PTPRD: variants seen among roughly 807,000 people sequenced by gnomAD.
The protein encoded by PTPRD is protein tyrosine phosphatase receptor type D.
A neutral mutation model predicts 214.5 loss-of-function variants in PTPRD; 34 were observed. The observed-to-expected ratio is 0.16, with a 90% CI of 0.12 to 0.21. The LOEUF (loss-of-function observed/expected upper bound fraction) is 0.21, where lower values mean the gene tolerates loss of function less well. PTPRD is among the 10% of genes least tolerant of loss of function. The pLI, the probability that PTPRD is intolerant of heterozygous loss-of-function variation, is 1.00. For missense variants in PTPRD, 2,545 were observed against 2,398.7 expected (o/e 1.06, Z -1.27); for synonymous variants, 1,128 against 845.7 (o/e 1.33, Z -5.79).
intron 44 of PTPRD, among the ~76,000 whole-genome samples, chr9:8,320,398 A>G (rs12000035): frequency 0.029 from 4,371 of 152,212 alleles, 199 homozygotes; most frequent in African/African-American, 0.099. Flanking sequence ...CACTGTTCAC[A>G]TTTTGCAGTT....
At chr9:9,715,983 C>G (rs1223602967) in intron 7 of PTPRD, among the ~76,000 whole-genome samples, 3 of 152,110 alleles carry the variant, frequency 2.0e-5, no homozygotes, top group African/African-American at 2.4e-5. Context: ...AGGTATATGT[C>G]CTAAAGCTAT....
intron 11 of PTPRD, among the ~76,000 whole-genome samples, chr9:8,750,599 G>A (rs1331570292): frequency 6.6e-6 from 1 of 152,170 alleles, no homozygotes; most frequent in Non-Finnish European, 1.5e-5. Flanking sequence ...AGAGAAGGGT[G>A]GGGCATGTAA....
At chr9:9,973,872 C>G (rs1196291494) in intron 4 of PTPRD, among the ~76,000 whole-genome samples, 1 of 151,824 alleles carries the variant, frequency 6.6e-6, no homozygotes, top group Non-Finnish European at 1.5e-5. Context: ...TGCAAATGTG[C>G]TCTAATAGAC....
intron 3 of PTPRD, among the ~76,000 whole-genome samples, chr9:10,203,002 T>A (rs1024253631): frequency 6.6e-6 from 1 of 151,902 alleles, no homozygotes; most frequent in African/African-American, 2.4e-5. Flanking sequence ...TATTCTGTTA[T>A]AGAAATTTAA....
intron 9 of PTPRD, among the ~76,000 whole-genome samples, chr9:9,319,881 A>T (rs1426329292): frequency 6.6e-6 from 1 of 152,160 alleles, no homozygotes; most frequent in Non-Finnish European, 1.5e-5. Context: ...TTTTATTCCC[A>T]TACAATTTGA....
At position 10,316,176 on chromosome 9, in the gene PTPRD, C is replaced by CATATACATATAT. The variant is rs1565242638; in HGVS notation, c.-545+24786_-545+24787insATATATGTATAT. On this transcript the variant is annotated intron_variant, in intron 3 of 45. Transcript: ENST00000381196. ...ATATATGTATATCTATGTATATATA[C>CATATACATATAT]ATAGATATACATATATATAGACACA... Among the ~76,000 whole-genome samples the CATATACATATAT allele has an allele frequency of 1.2e-3, 172 of 143,072 alleles. 1 individual carries two copies. The highest frequency in any genetic ancestry group is 4.3e-3 in the African/African-American group (167 of 38,712). 93.9% of individuals were successfully genotyped at this position (143,072 alleles called of 152,430 possible).
At chr9:8,511,105 A>G (rs973157842) in intron 21 of PTPRD, among the ~76,000 whole-genome samples, 7 of 152,064 alleles carry the variant, frequency 4.6e-5, no homozygotes, top group African/African-American at 1.7e-4. Context: ...GTCTTACTCT[A>G]TCACCCAGGC....
intron 9 of PTPRD, among the ~76,000 whole-genome samples, chr9:9,353,534 G>T (rs543965732): frequency 6.6e-6 from 1 of 151,764 alleles, no homozygotes; most frequent in East Asian, 2.0e-4. Flanking sequence ...CTGGAAAAAT[G>T]CGGTCATTTA....
At chr9:9,750,550 C>T (rs1489049927) in intron 6 of PTPRD, among the ~76,000 whole-genome samples, 1 of 152,086 alleles carries the variant, frequency 6.6e-6, no homozygotes, top group African/African-American at 2.4e-5. Context: ...TTCTTTAAAG[C>T]AAAGGGTGAG....
At chr9:9,368,842 G>C (rs532471773) in intron 9 of PTPRD, among the ~76,000 whole-genome samples, 272 of 151,926 alleles carry the variant, frequency 1.8e-3, no homozygotes, top group African/African-American at 6.4e-3. Context: ...TGCCATGTTG[G>C]TGTGCTGCAC....
intron 23 of PTPRD, among the ~76,000 whole-genome samples, chr9:8,501,513 TG>T (rs773356557): frequency 6.0e-4 from 91 of 152,202 alleles, no homozygotes; most frequent in Non-Finnish European, 9.7e-4. Flanking sequence ...AGAATGAGGA[TG>T]GTTTACATAC....
chr9:9,272,411 A>G (rs1943298913), intron 9 of PTPRD, among the ~76,000 whole-genome samples: 1 of 151,292 alleles, frequency 6.6e-6, no homozygotes, highest in African/African-American at 2.4e-5. Context: ...ATTTAACTAC[A>G]AGCAGTACTG....
At chr9:9,505,682 T>C (rs1256524508) in intron 8 of PTPRD, among the ~76,000 whole-genome samples, 1 of 151,504 alleles carries the variant, frequency 6.6e-6, no homozygotes, top group Non-Finnish European at 1.5e-5. Context: ...TCAATAAAGA[T>C]GAAATAATTA....
chr9:9,618,950 T>G (rs540494541), intron 7 of PTPRD, among the ~76,000 whole-genome samples: 3 of 151,888 alleles, frequency 2.0e-5, no homozygotes, highest in South Asian at 2.1e-4. Context: ...TCCCAAGACA[T>G]AGGAAAAAGC....
intron 11 of PTPRD, among the ~76,000 whole-genome samples, chr9:8,936,657 C>G (rs919887265): frequency 6.6e-6 from 1 of 152,006 alleles, no homozygotes; most frequent in African/African-American, 2.4e-5. Context: ...AATGAAAATG[C>G]TAAGCTTAGT....
At chr9:9,595,291 TATATATATATATATATATATTA>T (rs1563935424) in intron 7 of PTPRD, among the ~76,000 whole-genome samples, 23 of 3,092 alleles carry the variant, frequency 7.4e-3, no homozygotes, top group African/African-American at 0.013. Flanking sequence ...ATATATATTA[TATATATATATATATATATATTA>T]TATATATTTT....
chr9:9,863,834 C>T (rs10121352), intron 5 of PTPRD, among the ~76,000 whole-genome samples: 13,050 of 142,468 alleles, frequency 0.092, 1,381 homozygotes, highest in African/African-American at 0.27. Flanking sequence ...ACATGCAGGA[C>T]GGAAAAAAAA....
chr9:8,947,473 A>G lies in PTPRD; in HGVS notation c.-104+71224T>C, dbSNP rs12338980. Among the ~76,000 whole-genome samples the G allele has an allele frequency of 3.8e-3, 574 of 151,642 alleles. 6 individuals are homozygous for G. The highest frequency in any genetic ancestry group is 0.013 in the African/African-American group (543 of 41,306). ...GCGAGACTCTGTCTCAAAAAAAAAAAAAAAAAGAAAAAAGAAAAAAAAAAG... is the reference window on the plus strand; with the variant it reads ...GCGAGACTCTGTCTCAAAAAAAAAAGAAAAAAGAAAAAAGAAAAAAAAAAG... On this transcript the variant is annotated intron_variant, in intron 11 of 45. Coordinates refer to ENST00000381196, the MANE Select transcript of PTPRD (RefSeq NM_002839.4).
At chr9:9,297,543 T>G (rs1279278841) in intron 9 of PTPRD, among the ~76,000 whole-genome samples, 1 of 151,626 alleles carries the variant, frequency 6.6e-6, no homozygotes, top group Non-Finnish European at 1.5e-5. Flanking sequence ...GACATATAGA[T>G]TGGGAACAGG....
Sources: allele counts gnomAD v4.1 joint callset (sites outside exome capture counted in the v4.1 genomes callset), GRCh38; gene constraint gnomAD v4.1.1; transcripts MANE v1.5; gene names NCBI Gene and HGNC (gene_info 2026-07-23, HGNC 2026-07-21).